The following CHD7 variants were observed in gnomAD, a reference collection of about 807,000 sequenced individuals.
CHD7 encodes the protein chromodomain helicase DNA binding protein 7, also known as ATP-dependent chromatin remodeler CHD7.
A neutral mutation model predicts 307.3 loss-of-function variants in CHD7; 24 were observed. That is an observed-to-expected ratio of 0.08 (90% CI 0.06 to 0.11). The LOEUF (loss-of-function observed/expected upper bound fraction) is 0.11, where lower values mean the gene tolerates loss of function less well. CHD7 is among the 10% of genes least tolerant of loss of function. CHD7 has a pLI of 1.00. For synonymous variants in CHD7, 1,363 were observed against 1,349.9 expected (o/e 1.01, Z -0.21); for missense variants, 3,106 against 3,727.1 (o/e 0.83, Z 4.34).
At chr8:60,834,948 A>G (rs897005452) in intron 15 of CHD7, among the ~76,000 whole-genome samples, 1 of 152,178 alleles carries the variant, frequency 6.6e-6, no homozygotes, top group Non-Finnish European at 1.5e-5. Context: ...CATCTTGTGT[A>G]TAGTTAGTTC....
At chr8:60,824,532 A>T (rs916452789) in intron 13 of CHD7, 1 of 155,066 alleles carries the variant, frequency 6.4e-6, no homozygotes, top group African/African-American at 2.4e-5. Context: ...CCATTTCATT[A>T]ACTGTTGGGC....
chr8:60,811,120 A>G (rs1812785703), intron 7 of CHD7, among the ~76,000 whole-genome samples: 1 of 152,150 alleles, frequency 6.6e-6, no homozygotes, highest in South Asian at 2.1e-4. Context: ...CTTCCACGAA[A>G]CTGGTCCTTG....
chr8:60,765,213 AC>A (rs1810408241), intron 2 of CHD7, among the ~76,000 whole-genome samples: 1 of 9,860 alleles, frequency 1.0e-4, no homozygotes, highest in African/African-American at 2.7e-4. Context: ...ATACACACAC[AC>A]ACACACACAC....
At position 60,822,008 on chromosome 8, in the gene CHD7, A is replaced by G. The variant is rs1804064776; in HGVS notation, c.2836-16A>G. 1.2e-6 allele frequency: 2 copies of G among 1,613,778 alleles called. No homozygotes were observed. The highest frequency in any genetic ancestry group is 1.7e-6 in the Non-Finnish European group (2 of 1,179,754). ...CTTTGGGAAACCACTAATGGGATTT[A>G]CTATATTTGAAACAGGAGCGACCTC... On this transcript the variant is annotated splice_polypyrimidine_tract_variant and intron_variant, in intron 10 of 37. Coordinates refer to ENST00000423902, the MANE Select transcript of CHD7 (RefSeq NM_017780.4).
chr8:60,745,017 G>C (rs985965786), intron 2 of CHD7, among the ~76,000 whole-genome samples: 1 of 149,984 alleles, frequency 6.7e-6, no homozygotes, highest in Admixed American at 6.6e-5. Context: ...TCAGCCGGTG[G>C]GCAGGGCAGC....
chr8:60,841,857 T>C lies in CHD7; in HGVS notation c.4655T>C (p.Val1552Ala). 1 of 1,607,584 alleles carries C rather than the reference T, an allele frequency of 6.2e-7. No individual in the cohort carries two copies. Among genetic ancestry groups the C allele is most frequent in the Non-Finnish European group, 8.5e-7 (1 of 1,176,438 alleles). Residue 1552 changes from valine to alanine, a missense_variant, in exon 21 of 38, where the codon GTT becomes GCT. Around this residue, in one of 10 missense-constraint regions of CHD7, gnomAD observed 122 missense variants for 124.5 expected, o/e 0.98. Transcript: ENST00000423902. ...CTCTTTTATTATTAGAACAACCTGG[T>C]TATTGATACTCCAAGAGTGAGAAAG... ...IDALNGRNNL[V>A]IDTPRVRKQT...
intron 1 of CHD7, among the ~76,000 whole-genome samples, chr8:60,698,164 G>T (rs1439499584): frequency 2.0e-5 from 3 of 152,206 alleles, no homozygotes; most frequent in Admixed American, 2.0e-4. Flanking sequence ...CACTAGGCCA[G>T]TGCTTACCTT....
intron 2 of CHD7, among the ~76,000 whole-genome samples, chr8:60,760,150 A>T (rs1810107272): frequency 1.3e-5 from 2 of 152,186 alleles, no homozygotes; most frequent in Admixed American, 1.3e-4. Flanking sequence ...ATATACTCAG[A>T]GTTGATGAGG....
chr8:60,737,893 G>A (rs563824174), intron 1 of CHD7, among the ~76,000 whole-genome samples: 2 of 152,096 alleles, frequency 1.3e-5, no homozygotes, highest in Non-Finnish European at 2.9e-5. Flanking sequence ...AGGACAAGAG[G>A]GAATTTTGTT....
At chr8:60,852,311 C>A (rs904101121) in intron 29 of CHD7, 64 bp downstream of exon 29, 2 of 1,442,364 alleles carry the variant, frequency 1.4e-6, no homozygotes, top group African/African-American at 1.4e-5. Context: ...CTCCTGTAGA[C>A]CCACAAGAGA....
Position 60,848,500 on chromosome 8 carries a change from T to C in CHD7, c.5211-15T>C. 1 of 1,603,914 alleles carries C rather than the reference T, an allele frequency of 6.2e-7. No homozygotes were observed. Among genetic ancestry groups the C allele is most frequent in the Admixed American group, 1.7e-5 (1 of 59,290 alleles). ...GAAGTTAAGAACTTTTTCCCCCCTC[T>C]GTCTTCCTCTCCAGGGTCCTGCTGC... On this transcript the variant is annotated splice_polypyrimidine_tract_variant and intron_variant, in intron 23 of 37. Transcript: ENST00000423902.
intron 2 of CHD7, among the ~76,000 whole-genome samples, chr8:60,769,664 G>A (rs1444568602): frequency 6.6e-6 from 1 of 152,102 alleles, no homozygotes; most frequent in Non-Finnish European, 1.5e-5. Context: ...TTTTGTTTTG[G>A]TTTGCCTTTT....
At chr8:60,835,423 G>A (rs75493684) in intron 15 of CHD7, among the ~76,000 whole-genome samples, 2,332 of 152,318 alleles carry the variant, frequency 0.015, 25 homozygotes, top group Non-Finnish European at 0.023. Context: ...GATAGTTCAA[G>A]ATAGAATTTT....
At chr8:60,691,615 T>C (rs1806199620) in intron 1 of CHD7, among the ~76,000 whole-genome samples, 1 of 152,228 alleles carries the variant, frequency 6.6e-6, no homozygotes, top group African/African-American at 2.4e-5. Flanking sequence ...TGATTGTCTC[T>C]GAGCCTGGGC....
At chr8:60,843,057 T>C (rs1296150454) in intron 21 of CHD7, among the ~76,000 whole-genome samples, 1 of 152,166 alleles carries the variant, frequency 6.6e-6, no homozygotes, top group Non-Finnish European at 1.5e-5. Context: ...TGCAACTGAG[T>C]CTGGCCTGCA....
intron 2 of CHD7, among the ~76,000 whole-genome samples, chr8:60,744,710 T>C (rs1809237312): frequency 6.6e-6 from 1 of 151,414 alleles, no homozygotes; most frequent in Non-Finnish European, 1.5e-5. Context: ...AAAAAATTAG[T>C]TGGGCATGGT....
chr8:60,773,984 A>G (rs182834243), intron 2 of CHD7, among the ~76,000 whole-genome samples: 7 of 152,300 alleles, frequency 4.6e-5, no homozygotes, highest in Admixed American at 1.3e-4. Context: ...TAGCCATCTT[A>G]ACCTGCAGAT....
rs1308704497 is a variant in CHD7, at chr8:60,715,089, T to C, written c.-174-26170T>C. Among the ~76,000 whole-genome samples the C allele has an allele frequency of 2.6e-5, 4 of 152,228 alleles. No homozygotes were observed. In the East Asian group the frequency reaches 7.7e-4, roughly 29 times the overall value. On this transcript the variant is annotated intron_variant, in intron 1 of 37. Transcript: ENST00000423902. ...CTTCTTGATCAGTGAGAAATGTGAT[T>C]GGAGAAAGACATTAGAGTTTTATAG...
chr8:60,759,420 C>A (rs2150614615), intron 2 of CHD7, among the ~76,000 whole-genome samples: 1 of 147,996 alleles, frequency 6.8e-6, no homozygotes, highest in East Asian at 2.0e-4. Context: ...TCCCTTTCTC[C>A]CTCTCCCTCT....
Sources: allele counts gnomAD v4.1 joint callset (sites outside exome capture counted in the v4.1 genomes callset), GRCh38; gene constraint gnomAD v4.1.1; regional missense constraint gnomAD v4.1.1; transcripts MANE v1.5; gene names NCBI Gene and HGNC (gene_info 2026-07-23, HGNC 2026-07-21).